JMJD1C: variants seen among roughly 807,000 people sequenced by gnomAD.
JMJD1C encodes the protein jumonji domain-containing protein 1C.
In JMJD1C, 31 loss-of-function variants were observed where a neutral mutation model predicts 245.3. The ratio of observed to expected loss-of-function variants is 0.13; its 90% CI spans 0.09 to 0.17. The LOEUF (loss-of-function observed/expected upper bound fraction) is 0.17. JMJD1C is among the 10% of genes least tolerant of loss of function. The pLI, the probability that JMJD1C is intolerant of heterozygous loss-of-function variation, is 1.00. For synonymous variants in JMJD1C, 1,057 were observed against 1,017.4 expected, an observed-to-expected ratio of 1.04 and a Z score of -0.74; for missense variants, 2,691 against 3,000.2, an observed-to-expected ratio of 0.90 and a Z score of 2.41.
At chr10:63,185,488 G>C (rs959338476) in intron 20 of JMJD1C, 75 bp downstream of exon 20, 2 of 843,406 alleles carry the variant, frequency 2.4e-6, no homozygotes, top group Non-Finnish European at 4.0e-6. Flanking sequence ...CACATTTACG[G>C]TTACTTATCC....
rs1210696219 is a variant in JMJD1C at position 63,276,883 on chromosome 10, G to GTTTTTTTTT, written c.334-12120_334-12119insAAAAAAAAA. The stretch of plus-strand genomic sequence containing the variant: ...GCTATGGAAGGAATAGAAGCTTGGG[G>GTTTTTTTTT]CTTTTTTTTTTTTTTTTTTGAGAGA... On this transcript the variant is annotated intron_variant, in intron 2 of 25. Transcript: ENST00000399262. Among the ~76,000 whole-genome samples, 3 of 41,088 alleles carry GTTTTTTTTT rather than the reference G, an allele frequency of 7.3e-5. 1 individual carries two copies. Among genetic ancestry groups the GTTTTTTTTT allele is most frequent in the African/African-American group, 4.6e-4 (3 of 6,454 alleles). 27.0% of individuals were successfully genotyped at this position (41,088 alleles called of 152,430 possible).
chr10:63,340,342 A>T (rs1943255403), intron 2 of JMJD1C, among the ~76,000 whole-genome samples: 1 of 152,198 alleles, frequency 6.6e-6, no homozygotes. Context: ...AATGGCACAT[A>T]CACAGGCAGG....
intron 2 of JMJD1C, among the ~76,000 whole-genome samples, chr10:63,341,421 T>A: frequency 6.6e-6 from 1 of 152,214 alleles, no homozygotes; most frequent in East Asian, 1.9e-4. Flanking sequence ...GCATTAAGGA[T>A]GCCAAGGACA....
chr10:63,371,174 G>A (rs1324622701), intron 2 of JMJD1C, among the ~76,000 whole-genome samples: 1 of 151,272 alleles, frequency 6.6e-6, no homozygotes, highest in Non-Finnish European at 1.5e-5. Context: ...AGGGATGAGG[G>A]TATAGCTATG....
In JMJD1C at chr10:63,457,398, T is replaced by C. The variant is rs546086098; in HGVS notation, c.168+8097A>G. On this transcript the variant is annotated intron_variant, in intron 1 of 25. Coordinates refer to ENST00000399262, the MANE Select transcript of JMJD1C (RefSeq NM_032776.3). ...TTCAAACCCACACACGGGACATTCA[T>C]GTAAAGCTTCCAAACAGTAGAGACG... 5.3e-5 allele frequency among the ~76,000 whole-genome samples: 8 copies of C among 152,280 alleles called. No individual in the cohort carries two copies. The South Asian group carries it at 1.5e-3, about 28-fold the overall frequency.
At chr10:63,445,195 G>A (rs1951637038) in intron 1 of JMJD1C, among the ~76,000 whole-genome samples, 1 of 152,110 alleles carries the variant, frequency 6.6e-6, no homozygotes, top group African/African-American at 2.4e-5. Context: ...ACTCCAACCT[G>A]GGTGACAGAA....
Position 63,213,906 on chromosome 10 carries a change from T to G in JMJD1C, c.2261A>C (p.His754Pro), listed in dbSNP as rs766945554. 1 of 1,614,132 alleles carries G rather than the reference T, an allele frequency of 6.2e-7. No homozygotes were observed. The highest frequency in any genetic ancestry group is 1.7e-5 in the Admixed American group (1 of 60,022). Reference protein sequence around the residue: ...SHRTCLNPGTHHPALTPAPHL... With the variant: ...SHRTCLNPGTPHPALTPAPHL... ...GGGTGCAGGAGTTAAGGCAGGATGA[T>G]GGGTACCTGGATTTAAACAGGTTCT... The change falls in exon 8 of 26, where the codon CAT (histidine) becomes CCT (proline). Residue 754 changes from histidine (H) to proline (P), a missense_variant. By Grantham distance (77) the His-to-Pro change is moderately conservative. This residue lies in a region of JMJD1C where 1,562 missense variants were observed against 1,490.7 expected (regional missense o/e 1.05). Transcript: ENST00000399262.
At chr10:63,454,161 A>C (rs1952250847) in intron 1 of JMJD1C, among the ~76,000 whole-genome samples, 2 of 152,208 alleles carry the variant, frequency 1.3e-5, no homozygotes, top group Admixed American at 1.3e-4. Flanking sequence ...CAATGATGGA[A>C]ATTTTCTATA....
At chr10:63,229,748 A>G (rs892429297) in intron 3 of JMJD1C, among the ~76,000 whole-genome samples, 3 of 152,240 alleles carry the variant, frequency 2.0e-5, no homozygotes, top group Non-Finnish European at 4.4e-5. Context: ...GGAAAACAGC[A>G]AACACCAACA....
intron 1 of JMJD1C, among the ~76,000 whole-genome samples, chr10:63,457,380 C>CCA (rs1952481511): frequency 6.6e-6 from 1 of 152,114 alleles, no homozygotes; most frequent in Non-Finnish European, 1.5e-5. Context: ...TATTTCAAAC[C>CCA]CACACACGGG....
intron 10 of JMJD1C, chr10:63,203,781 T>A (rs748970670): frequency 3.1e-6 from 3 of 960,516 alleles, no homozygotes; most frequent in Non-Finnish European, 3.7e-6. Context: ...TATGTGTATG[T>A]GTATATAAAA....
intron 1 of JMJD1C, among the ~76,000 whole-genome samples, chr10:63,457,776 T>G (rs887739225): frequency 3.3e-5 from 5 of 152,178 alleles, no homozygotes; most frequent in African/African-American, 1.2e-4. Context: ...AGTACAGAGA[T>G]AACAGATTTG....
intron 1 of JMJD1C, among the ~76,000 whole-genome samples, chr10:63,440,327 C>A (rs1951295705): frequency 7.1e-6 from 1 of 141,744 alleles, no homozygotes. Context: ...AAGAGCAACA[C>A]TCTGTCTCAA....
rs1257860467 is a variant in JMJD1C, at chr10:63,213,512, G to A, written c.2655C>T (p.His885=). 6.2e-7 allele frequency: 1 copy of A among 1,605,550 alleles called. No individual in the cohort carries two copies. The change falls in exon 8 of 26, where the codon CAC becomes CAT. Residue 885 remains histidine, a synonymous_variant. Transcript: ENST00000399262. ...GLGLPSSKWV[H]PENAVNAEAS... ...CTTCAGCATTAACTGCATTTTCTGG[G>A]TGAACCCACTTAGAAGAAGGCAAAC...
At chr10:63,264,009 A>G (rs548076123) in intron 3 of JMJD1C, among the ~76,000 whole-genome samples, 57 of 138,300 alleles carry the variant, frequency 4.1e-4, no homozygotes, top group African/African-American at 1.5e-3. Flanking sequence ...CACACACACA[A>G]TTCTGTGAGC....
At chr10:63,355,125 C>T (rs920161233) in intron 2 of JMJD1C, among the ~76,000 whole-genome samples, 1 of 152,056 alleles carries the variant, frequency 6.6e-6, no homozygotes, top group African/African-American at 2.4e-5. Context: ...TCTCTAATCT[C>T]TCTCACTTGT....
rs149243604 is a variant in JMJD1C at position 63,227,226 on chromosome 10, G to A, written c.448-7243C>T. Reference sequence around the variant, plus strand: ...TCAGAACACTAAAATATTCAGATATGCCTAGTTAGGTTTAATGACACCAGT... The same window carrying A: ...TCAGAACACTAAAATATTCAGATATACCTAGTTAGGTTTAATGACACCAGT... On this transcript the variant is annotated intron_variant, in intron 3 of 25. Transcript: ENST00000399262. 2.7e-3 allele frequency among the ~76,000 whole-genome samples: 418 copies of A among 152,254 alleles called. 3 individuals carry two copies. The highest frequency in any genetic ancestry group is 9.5e-3 in the African/African-American group (394 of 41,564).
intron 1 of JMJD1C, among the ~76,000 whole-genome samples, chr10:63,487,746 G>A (rs1954043867): frequency 6.6e-6 from 1 of 152,154 alleles, no homozygotes; most frequent in South Asian, 2.1e-4. Context: ...TGTTCAAATG[G>A]CTGACATGTC....
At chr10:63,401,627 G>A (rs974225638) in intron 1 of JMJD1C, among the ~76,000 whole-genome samples, 1 of 152,096 alleles carries the variant, frequency 6.6e-6, no homozygotes, top group Admixed American at 6.6e-5. Context: ...CTCTCCTGAT[G>A]AACATACCAC....
Sources: gnomAD v4.1 joint callset for allele counts (sites outside exome capture counted in the v4.1 genomes callset) on GRCh38, gnomAD v4.1.1 for gene constraint, gnomAD v4.1.1 regional missense constraint, MANE v1.5 for transcripts, NCBI Gene and HGNC (gene_info 2026-07-23, HGNC 2026-07-21) for gene names.